PGPEP1: variants seen among roughly 807,000 people sequenced by gnomAD.
PGPEP1 encodes the protein pyroglutamyl-peptidase I, also known as pyroglutamyl-peptidase 1.
Under a neutral mutation model 24.1 loss-of-function variants are expected in PGPEP1, and 15 were observed. The observed-to-expected ratio is 0.62, with a 90% CI of 0.42 to 0.96. The LOEUF (loss-of-function observed/expected upper bound fraction) is 0.96, where lower values mean the gene tolerates loss of function less well. Among genes scored for constraint, PGPEP1 ranks in the 40% least tolerant of loss-of-function variants. The pLI, the probability that PGPEP1 is intolerant of heterozygous loss-of-function variation, is 0.00. For missense variants in PGPEP1, 242 were observed against 273.4 expected, an observed-to-expected ratio of 0.89 and a Z score of 0.81; for synonymous variants, 122 against 116.4, an observed-to-expected ratio of 1.05 and a Z score of -0.31.
At chr19:18,347,528 G>C in intron 2 of PGPEP1, among the ~76,000 whole-genome samples, 1 of 150,874 alleles carries the variant, frequency 6.6e-6, no homozygotes, top group Non-Finnish European at 1.5e-5. Context: ...CTCTCCCTGT[G>C]TGTGTCTCTG....
rs1171060304 is a variant in PGPEP1 at position 18,364,429 on chromosome 19, C to CA, written c.*847dup. 16 of 152,074 alleles carry CA rather than the reference C, an allele frequency of 1.1e-4. No homozygotes were observed. The highest frequency in any genetic ancestry group is 1.1e-3 in the Admixed American group (16 of 15,226). 9.4% of individuals were successfully genotyped at this position (152,074 alleles called of 1,614,324 possible). A position where few individuals can be genotyped will look rare whatever the true frequency, so the allele number is the denominator to read the frequency against. ...AGGAGTTCAAGATCAGCCTGGCCAA[C>CA]ATGGTGAAACCCTGCCTCTACTAAA... On this transcript the variant is annotated 3_prime_UTR_variant, in exon 5 of 5. Transcript: ENST00000269919.
At chr19:18,362,420 A>C (rs1971369531) in intron 4 of PGPEP1, among the ~76,000 whole-genome samples, 1 of 144,250 alleles carries the variant, frequency 6.9e-6, no homozygotes, top group African/African-American at 2.6e-5. Context: ...AAAATAAATA[A>C]ATAAAAATAA....
rs1442798431 is a variant in PGPEP1, at chr19:18,368,381, G to C, written c.*4798G>C. 6.6e-6 allele frequency: 1 copy of C among 151,324 alleles called. No individual in the cohort carries two copies. Among genetic ancestry groups the C allele is most frequent in the Non-Finnish European group, 1.5e-5 (1 of 68,014 alleles). The allele number at this position is 151,324 out of a possible 1,614,324, so 9.4% of individuals were successfully genotyped here. A position where few individuals can be genotyped will look rare whatever the true frequency, so the allele number is the denominator to read the frequency against. ...TTGAACCTGGGAGGCAGAGGTTGCAGTGGTGTGAGATCACGCCACTGCATT... is the reference window on the plus strand; with the variant it reads ...TTGAACCTGGGAGGCAGAGGTTGCACTGGTGTGAGATCACGCCACTGCATT... On this transcript the variant is annotated 3_prime_UTR_variant, in exon 5 of 5. Transcript: ENST00000269919.
Position 18,355,898 on chromosome 19 carries a change from C to A in PGPEP1, c.91C>A (p.Leu31Ile). 4 of 1,604,926 alleles carry A rather than the reference C, an allele frequency of 2.5e-6. No homozygotes were observed. Among genetic ancestry groups the A allele is most frequent in the Non-Finnish European group, 3.4e-6 (4 of 1,171,882 alleles). ...VNASWIAVQE[L>I]EKLGLGDSVD... ...CTCCCACTCTCCTCTCTTCCAGGAGCTAGAAAAGCTAGGCCTTGGCGACAG... is the reference window on the plus strand; with the variant it reads ...CTCCCACTCTCCTCTCTTCCAGGAGATAGAAAAGCTAGGCCTTGGCGACAG... Residue 31 changes from leucine to isoleucine, a missense_variant, in exon 3 of 5, where the codon CTA (leucine) becomes ATA (isoleucine). By Grantham distance (5) the Leu-to-Ile change is conservative. Transcript: ENST00000269919.
intron 1 of PGPEP1, among the ~76,000 whole-genome samples, chr19:18,341,990 C>G (rs1356295545): frequency 1.3e-5 from 2 of 152,008 alleles, no homozygotes; most frequent in Non-Finnish European, 2.9e-5. Context: ...TCACTGCAAC[C>G]TTCGCCTCCT....
intron 4 of PGPEP1, among the ~76,000 whole-genome samples, chr19:18,358,836 G>C (rs983475237): frequency 6.6e-6 from 1 of 151,766 alleles, no homozygotes; most frequent in South Asian, 2.1e-4. Context: ...GGCTGGTCTC[G>C]AACTCCCGAT....
At chr19:18,349,652 T>C (rs1970965296) in intron 2 of PGPEP1, among the ~76,000 whole-genome samples, 1 of 152,200 alleles carries the variant, frequency 6.6e-6, no homozygotes, top group African/African-American at 2.4e-5. Flanking sequence ...GTCAAAATCA[T>C]GCGATGAGTT....
intron 3 of PGPEP1, 104 bp from the exon 4 acceptor site, chr19:18,357,279 C>T (rs1276039327): frequency 6.6e-6 from 5 of 758,554 alleles, no homozygotes; most frequent in Non-Finnish European, 1.1e-5. Context: ...CAACACAACC[C>T]CAGGCAGAGC....
chr19:18,349,995 A>G (rs534477714), intron 2 of PGPEP1, among the ~76,000 whole-genome samples: 5 of 152,138 alleles, frequency 3.3e-5, no homozygotes, highest in African/African-American at 4.8e-5. Flanking sequence ...GATTACAGGC[A>G]TGAGCCACTG....
At chr19:18,344,508 C>T (rs1970775368) in intron 2 of PGPEP1, among the ~76,000 whole-genome samples, 3 of 151,940 alleles carry the variant, frequency 2.0e-5, no homozygotes, top group South Asian at 4.1e-4. Context: ...GAAACCTCAG[C>T]GTGGCAGTCC....
chr19:18,345,725 CAAAAAAAA>C (rs1263995077), intron 2 of PGPEP1, among the ~76,000 whole-genome samples: 1 of 89,784 alleles, frequency 1.1e-5, no homozygotes, highest in South Asian at 3.9e-4. Context: ...GACCCTATCT[CAAAAAAAA>C]AAAAAAAAAA....
chr19:18,357,144 G>C (rs1369879999), intron 3 of PGPEP1, among the ~76,000 whole-genome samples: 1 of 152,208 alleles, frequency 6.6e-6, no homozygotes, highest in African/African-American at 2.4e-5. Flanking sequence ...TGCAGTATTT[G>C]ATTTTGATAA....
In PGPEP1 at chr19:18,365,690, A is replaced by G. The variant is rs1473008798; in HGVS notation, c.*2107A>G. 6.6e-6 allele frequency: 1 copy of G among 152,068 alleles called. No homozygotes were observed. The highest frequency in any genetic ancestry group is 2.4e-5 in the African/African-American group (1 of 41,404). 9.4% of individuals were successfully genotyped at this position (152,068 alleles called of 1,614,324 possible). ...GAGAGTTTTGTTTTCTTCAGCGTTC[A>G]CCTTCCTTGTCTCCAGTTCCGATGC... On this transcript the variant is annotated 3_prime_UTR_variant, in exon 5 of 5. Coordinates refer to ENST00000269919, the MANE Select transcript of PGPEP1 (RefSeq NM_017712.4).
intron 4 of PGPEP1, chr19:18,358,207 T>C (rs12986231): frequency 0.26 from 40,166 of 154,442 alleles, 5,660 homozygotes; most frequent in South Asian, 0.41. Context: ...GTCTTCTTAT[T>C]AGGACACCAG....
intron 2 of PGPEP1, among the ~76,000 whole-genome samples, chr19:18,344,390 G>A (rs184955450): frequency 6.6e-6 from 1 of 152,146 alleles, no homozygotes; most frequent in African/African-American, 2.4e-5. Flanking sequence ...AAATCAGATC[G>A]GCAGAGACCA....
At chr19:18,360,157 C>T (rs1971302941) in intron 4 of PGPEP1, among the ~76,000 whole-genome samples, 1 of 151,986 alleles carries the variant, frequency 6.6e-6, no homozygotes. Context: ...ATGGACACCA[C>T]CACGTCCAGC....
At chr19:18,346,566 C>T (rs1400569871) in intron 2 of PGPEP1, among the ~76,000 whole-genome samples, 1 of 151,316 alleles carries the variant, frequency 6.6e-6, no homozygotes, top group African/African-American at 2.4e-5. Context: ...CTCTCTTCAT[C>T]TCTCTGTCTC....
At chr19:18,359,569 G>A (rs901653350) in intron 4 of PGPEP1, among the ~76,000 whole-genome samples, 17 of 149,632 alleles carry the variant, frequency 1.1e-4, no homozygotes, top group Middle Eastern at 3.4e-3. Flanking sequence ...GTGCATTGGC[G>A]CGATCTTGGC....
chr19:18,341,035 C>A (rs1159294720), intron 1 of PGPEP1, among the ~76,000 whole-genome samples: 8 of 152,144 alleles, frequency 5.3e-5, no homozygotes, highest in Admixed American at 4.6e-4. Flanking sequence ...CCTCCTCTGT[C>A]TGGCCTGCGG....
Sources: allele counts gnomAD v4.1 joint callset (sites outside exome capture counted in the v4.1 genomes callset), GRCh38; gene constraint gnomAD v4.1.1; transcripts MANE v1.5; gene names NCBI Gene and HGNC (gene_info 2026-07-23, HGNC 2026-07-21).